CDH12: variants seen among roughly 807,000 people sequenced by gnomAD.
CDH12 encodes cadherin-12.
Under a neutral mutation model 74.1 loss-of-function variants are expected in CDH12, and 41 were observed. That is an observed-to-expected ratio of 0.55 (90% confidence interval 0.43 to 0.72). The LOEUF (loss-of-function observed/expected upper bound fraction) is 0.72. Among genes scored for constraint, CDH12 ranks in the 30% least tolerant of loss-of-function variants. CDH12 has a pLI of 0.00. For missense variants in CDH12, 945 were observed against 977.2 expected (o/e 0.97, Z 0.44); for synonymous variants, 399 against 355.0 (o/e 1.12, Z -1.39).
intron 1 of CDH12, among the ~76,000 whole-genome samples, chr5:22,774,391 C>T (rs1376232449): frequency 6.6e-6 from 1 of 152,122 alleles, no homozygotes; most frequent in Non-Finnish European, 1.5e-5. Context: ...CCAAATACCA[C>T]ATGTTCTCCC....
intron 7 of CDH12, among the ~76,000 whole-genome samples, chr5:21,850,383 G>T (rs1750399622): frequency 6.6e-6 from 1 of 151,398 alleles, no homozygotes; most frequent in African/African-American, 2.4e-5. Context: ...TTCTACTATA[G>T]AAACCATTTA....
chr5:22,176,244 A>C (rs1322547448), intron 4 of CDH12, among the ~76,000 whole-genome samples: 1 of 152,018 alleles, frequency 6.6e-6, no homozygotes, highest in Non-Finnish European at 1.5e-5. Context: ...TTCATATTTG[A>C]ATGAAAGATT....
rs118130876 is a variant in CDH12 at position 22,314,704 on chromosome 5, C to T, written c.-333+90553G>A. Among the ~76,000 whole-genome samples, 103 of 151,992 alleles carry T rather than the reference C, an allele frequency of 6.8e-4. 1 individual carries two copies. The East Asian group carries it at 0.016, about 24-fold the overall frequency. ...ACAAGGTAAAGGCTGGGAAGAAGAA[C>T]CAACGTTTGTCAGAAGGATTGTAAA... On this transcript the variant is annotated intron_variant, in intron 3 of 14. Coordinates refer to ENST00000382254, the MANE Select transcript of CDH12 (RefSeq NM_004061.5).
intron 1 of CDH12, among the ~76,000 whole-genome samples, chr5:22,511,990 G>A (rs1736633897): frequency 1.3e-5 from 2 of 151,830 alleles, no homozygotes; most frequent in Admixed American, 1.3e-4. Context: ...GTTTGTGTGT[G>A]TTTGTTGAGC....
intron 4 of CDH12, among the ~76,000 whole-genome samples, chr5:22,175,142 AC>A (rs1749258234): frequency 6.6e-6 from 1 of 152,102 alleles, no homozygotes; most frequent in Non-Finnish European, 1.5e-5. Flanking sequence ...AAATGCTTTT[AC>A]TTTGTGAATT....
At chr5:22,447,554 G>T (rs1180788785) in intron 2 of CDH12, among the ~76,000 whole-genome samples, 1 of 151,912 alleles carries the variant, frequency 6.6e-6, no homozygotes, top group African/African-American at 2.4e-5. Flanking sequence ...ATACATGCTT[G>T]GATTAAATCA....
intron 3 of CDH12, among the ~76,000 whole-genome samples, chr5:22,318,359 T>A (rs1465405163): frequency 2.0e-5 from 3 of 152,188 alleles, no homozygotes; most frequent in Non-Finnish European, 4.4e-5. Context: ...CTGCAAAGAT[T>A]AGCATGTTAC....
chr5:22,058,747 G>C (rs896895779), intron 5 of CDH12, among the ~76,000 whole-genome samples: 1 of 145,200 alleles, frequency 6.9e-6, no homozygotes, highest in Non-Finnish European at 1.5e-5. Context: ...AAAAAAGGAA[G>C]GAAAGTGGAA....
At chr5:22,046,400 A>G (rs545098744) in intron 5 of CDH12, among the ~76,000 whole-genome samples, 6 of 151,550 alleles carry the variant, frequency 4.0e-5, no homozygotes, top group African/African-American at 1.5e-4. Flanking sequence ...CTACCTTTAT[A>G]AATTGAGAAA....
Position 22,105,358 on chromosome 5 carries a change from C to T in CDH12, c.-186-26496G>A, listed in dbSNP as rs544787169. ...TCCGCCCACCTCGGCCCCCCAAAGT[C>T]CTGGGATTACAGGCATGAGCCACCA... On this transcript the variant is annotated intron_variant, in intron 4 of 14. Coordinates refer to ENST00000382254, the MANE Select transcript of CDH12 (RefSeq NM_004061.5). Among the ~76,000 whole-genome samples the T allele has an allele frequency of 5.0e-3, 750 of 150,266 alleles. 5 individuals carry two copies. Among genetic ancestry groups the T allele is most frequent in the African/African-American group, 0.017 (692 of 41,176 alleles).
At chr5:22,161,745 A>G (rs1158146579) in intron 4 of CDH12, among the ~76,000 whole-genome samples, 4 of 146,518 alleles carry the variant, frequency 2.7e-5, no homozygotes, top group African/African-American at 1.0e-4. Flanking sequence ...AGAGAGAGGG[A>G]GGGGGGAAAA....
chr5:22,438,033 C>G (rs1184854635), intron 2 of CDH12, among the ~76,000 whole-genome samples: 1 of 151,928 alleles, frequency 6.6e-6, no homozygotes, highest in Non-Finnish European at 1.5e-5. Context: ...TTTAGGGAAG[C>G]AAAGTATCTT....
intron 2 of CDH12, among the ~76,000 whole-genome samples, chr5:22,416,316 C>A (rs1010008928): frequency 6.6e-6 from 1 of 151,706 alleles, no homozygotes; most frequent in African/African-American, 2.4e-5. Flanking sequence ...ACCTCGTGAT[C>A]CGCCCGCCTC....
intron 3 of CDH12, among the ~76,000 whole-genome samples, chr5:22,336,708 A>G (rs1739599742): frequency 6.6e-6 from 1 of 152,196 alleles, no homozygotes; most frequent in South Asian, 2.1e-4. Context: ...AATTGTATGG[A>G]ATGGCCTAGA....
chr5:21,888,599 A>T (rs1216993209), intron 6 of CDH12, among the ~76,000 whole-genome samples: 2 of 152,084 alleles, frequency 1.3e-5, no homozygotes, highest in Admixed American at 6.6e-5. Context: ...ATAATAATAA[A>T]AAAAAGAAGT....
rs570940006 is a variant in CDH12, at chr5:21,927,943, G to T, written c.526+47148C>A. Among the ~76,000 whole-genome samples the T allele has an allele frequency of 2.6e-5, 4 of 151,996 alleles. No homozygotes were observed. In the South Asian group the frequency reaches 8.3e-4, roughly 32 times the overall value. On this transcript the variant is annotated intron_variant, in intron 6 of 14. Transcript: ENST00000382254. ...AAAAATTAGCTGGGCTTGGTAGCTG[G>T]CGCCTGCAGTCCCAGCTACTCAGGA...
chr5:22,716,775 G>A (rs1370779569), intron 1 of CDH12, among the ~76,000 whole-genome samples: 2 of 151,948 alleles, frequency 1.3e-5, no homozygotes, highest in Non-Finnish European at 2.9e-5. Flanking sequence ...CTGACCCTGT[G>A]TAGGCCTAGG....
rs1053403210 is a variant in CDH12, at chr5:21,898,482, C to A, written c.527-43692G>T. Among the ~76,000 whole-genome samples the A allele has an allele frequency of 2.0e-5, 3 of 151,924 alleles. No individual in the cohort carries two copies. In the East Asian group the frequency reaches 5.8e-4, roughly 29 times the overall value. ...CTTTGGGAGGCTGAGGCGGGCGGAT[C>A]AGGAGGTCAGGAGATCGAGACCATC... On this transcript the variant is annotated intron_variant, in intron 6 of 14. Transcript: ENST00000382254.
At chr5:22,830,639 G>C (rs560842193) in intron 1 of CDH12, among the ~76,000 whole-genome samples, 1 of 150,580 alleles carries the variant, frequency 6.6e-6, no homozygotes, top group East Asian at 1.9e-4. Context: ...TATATTTTCT[G>C]TTTCTAATTA....
Sources: gnomAD v4.1 joint callset for allele counts (sites outside exome capture counted in the v4.1 genomes callset) on GRCh38, gnomAD v4.1.1 for gene constraint, MANE v1.5 for transcripts, NCBI Gene and HGNC (gene_info 2026-07-23, HGNC 2026-07-21) for gene names.